The following CNR1 variants were observed in gnomAD, a reference collection of about 807,000 sequenced individuals.
CNR1 encodes cannabinoid receptor 1 (brain).
In CNR1, 10 loss-of-function variants were observed where a neutral mutation model predicts 23.0. The observed-to-expected ratio is 0.43, with a 90% CI of 0.27 to 0.74. The LOEUF (loss-of-function observed/expected upper bound fraction) is 0.74, where lower values mean the gene tolerates loss of function less well. CNR1 is among the 30% of genes least tolerant of loss of function. The pLI is 0.19. For synonymous variants in CNR1, 271 were observed against 255.2 expected, an observed-to-expected ratio of 1.06 and a Z score of -0.59; for missense variants, 422 against 618.8, an observed-to-expected ratio of 0.68 and a Z score of 3.37.
At chr6:88,165,370 A>C (rs377741061) in intron 1 of CNR1, among the ~76,000 whole-genome samples, 28 of 152,328 alleles carry the variant, frequency 1.8e-4, no homozygotes, top group African/African-American at 5.5e-4. Context: ...GCTTTTTATC[A>C]AAAGTTTATT....
At chr6:88,155,948 G>C (rs1259053364) in intron 1 of CNR1, among the ~76,000 whole-genome samples, 5 of 152,050 alleles carry the variant, frequency 3.3e-5, no homozygotes, top group Non-Finnish European at 7.4e-5. Flanking sequence ...CCTTCTTTAG[G>C]TCTGAATGAG....
rs1228141745 is a variant in CNR1 at position 88,143,507 on chromosome 6, T to C, written c.*349A>G. 1 of 223,826 alleles carries C rather than the reference T, an allele frequency of 4.5e-6. No homozygotes were observed. Among genetic ancestry groups the C allele is most frequent in the Non-Finnish European group, 8.9e-6 (1 of 112,670 alleles). The allele number at this position is 223,826 out of a possible 1,614,324, so 13.9% of individuals were successfully genotyped here. The stretch of plus-strand genomic sequence containing the variant: ...CTACGGACAGTTACATTTCACATTA[T>C]AGTGAAAGTTGTGGTTACAAAGGCA... On this transcript the variant is annotated 3_prime_UTR_variant, in exon 2 of 2. Coordinates refer to ENST00000369501, the MANE Select transcript of CNR1 (RefSeq NM_016083.6).
rs116701383 is a variant in CNR1, at chr6:88,152,425, T to C, written c.-63-7088A>G. On this transcript the variant is annotated intron_variant, in intron 1 of 1. Coordinates refer to ENST00000369501, the MANE Select transcript of CNR1 (RefSeq NM_016083.6). ...CAAAGGATCACATATCTTATTCCAG[T>C]AATGCAAAAAACATGTTTCTGTGAC... Among the ~76,000 whole-genome samples, 1,404 of 152,256 alleles carry C rather than the reference T, an allele frequency of 9.2e-3. 17 individuals are homozygous for C. Among genetic ancestry groups the C allele is most frequent in the African/African-American group, 0.032 (1,330 of 41,540 alleles).
At chr6:88,153,471 T>C (rs1777636821) in intron 1 of CNR1, among the ~76,000 whole-genome samples, 1 of 152,204 alleles carries the variant, frequency 6.6e-6, no homozygotes, top group Non-Finnish European at 1.5e-5. Flanking sequence ...AGTTTCTAAG[T>C]GCTTTAAAGA....
Position 88,143,900 on chromosome 6 carries a change from C to T in CNR1, c.1375G>A (p.Val459Ile), listed in dbSNP as rs375652364. 2 of 1,614,100 alleles carry T rather than the reference C, an allele frequency of 1.2e-6. No individual in the cohort carries two copies. Among genetic ancestry groups the T allele is most frequent in the Non-Finnish European group, 1.7e-6 (2 of 1,180,008 alleles). ...GTGTCTGTGGACACAGACATGGTTA[C>T]CTTGGCAATCTTGACCGTGCTCTTG... is the stretch of plus-strand genomic sequence containing the variant. ...CIKSTVKIAK[V>I]TMSVSTDTSA... The change falls in exon 2 of 2, where the codon GTA (valine) becomes ATA (isoleucine). Residue 459 changes from valine (V) to isoleucine (I), a missense_variant. This residue lies in a region of CNR1 where 79 missense variants were observed against 98.0 expected (regional missense o/e 0.81). Transcript: ENST00000369501.
chr6:88,161,263 T>A (rs546771807), intron 1 of CNR1, among the ~76,000 whole-genome samples: 1 of 152,222 alleles, frequency 6.6e-6, no homozygotes, highest in African/African-American at 2.4e-5. Context: ...TTTCTCCAGC[T>A]GGGGCTCAAA....
At chr6:88,150,206 C>G (rs772324022) in intron 1 of CNR1, among the ~76,000 whole-genome samples, 12 of 152,226 alleles carry the variant, frequency 7.9e-5, no homozygotes, top group Non-Finnish European at 1.8e-4. Context: ...TCCCCCTTTA[C>G]ACTTTCCAAC....
At chr6:88,149,852 T>A (rs1327749953) in intron 1 of CNR1, among the ~76,000 whole-genome samples, 1 of 152,210 alleles carries the variant, frequency 6.6e-6, no homozygotes. Flanking sequence ...GGAGTTCACA[T>A]ATTTATTTCC....
At chr6:88,162,840 G>A (rs1042718291) in intron 1 of CNR1, 3 of 152,206 alleles carry the variant, frequency 2.0e-5, no homozygotes, top group African/African-American at 7.2e-5. Context: ...GGTCCACATT[G>A]TTTTAGAGCC....
intron 1 of CNR1, among the ~76,000 whole-genome samples, chr6:88,150,568 T>A (rs931136797): frequency 6.6e-6 from 1 of 152,204 alleles, no homozygotes; most frequent in Admixed American, 6.5e-5. Context: ...GCCTTAAGGA[T>A]CTGTTAGATG....
chr6:88,147,422 C>T (rs974948592), intron 1 of CNR1, among the ~76,000 whole-genome samples: 6 of 152,184 alleles, frequency 3.9e-5, no homozygotes, highest in Non-Finnish European at 8.8e-5. Flanking sequence ...GTACAGGATG[C>T]TCTGGGGACA....
chr6:88,166,773 C>G (rs543460151), upstream of CNR1, among the ~76,000 whole-genome samples: 232 of 147,966 alleles, frequency 1.6e-3, 1 homozygote, highest in Middle Eastern at 6.9e-3. Context: ...GGGGTCACGT[C>G]TGGGGCAGCG....
chr6:88,156,324 C>T (rs1235295558), intron 1 of CNR1, among the ~76,000 whole-genome samples: 1 of 152,040 alleles, frequency 6.6e-6, no homozygotes, highest in Admixed American at 6.5e-5. Context: ...ACATTATATT[C>T]CAAGATGTAA....
At chr6:88,165,251 C>T (rs990369586) in intron 1 of CNR1, among the ~76,000 whole-genome samples, 5 of 152,176 alleles carry the variant, frequency 3.3e-5, no homozygotes, top group Non-Finnish European at 7.3e-5. Flanking sequence ...GCAACATTAA[C>T]TTTAGTCATC....
At chr6:88,159,456 C>T (rs948520576) in intron 1 of CNR1, among the ~76,000 whole-genome samples, 18 of 152,044 alleles carry the variant, frequency 1.2e-4, no homozygotes, top group African/African-American at 4.3e-4. Flanking sequence ...GAAATATATC[C>T]CAAGGCACTT....
chr6:88,145,889 T>A (rs1777154636), intron 1 of CNR1, among the ~76,000 whole-genome samples: 1 of 152,166 alleles, frequency 6.6e-6, no homozygotes, highest in Non-Finnish European at 1.5e-5. Context: ...TGTATGTTAC[T>A]TGTAGCGGGG....
chr6:88,148,590 T>A (rs1040870644), intron 1 of CNR1, among the ~76,000 whole-genome samples: 2 of 152,146 alleles, frequency 1.3e-5, no homozygotes, highest in Non-Finnish European at 2.9e-5. Context: ...AATCAAGGGA[T>A]CTAGCCTGGA....
intron 1 of CNR1, among the ~76,000 whole-genome samples, chr6:88,156,879 T>C (rs1029038734): frequency 4.6e-5 from 7 of 152,210 alleles, no homozygotes; most frequent in African/African-American, 1.2e-4. Flanking sequence ...CTTGGTCTCA[T>C]ACAAACAACC....
intron 1 of CNR1, among the ~76,000 whole-genome samples, chr6:88,146,942 A>T (rs1175599752): frequency 6.6e-6 from 1 of 152,162 alleles, no homozygotes; most frequent in African/African-American, 2.4e-5. Context: ...TCCACTATGC[A>T]CTTGTATTAT....
Sources: gnomAD v4.1 joint callset for allele counts (sites outside exome capture counted in the v4.1 genomes callset) on GRCh38, gnomAD v4.1.1 for gene constraint, gnomAD v4.1.1 regional missense constraint, MANE v1.5 for transcripts, NCBI Gene and HGNC (gene_info 2026-07-23, HGNC 2026-07-21) for gene names.